CEP350: variants seen among roughly 807,000 people sequenced by gnomAD.
The protein encoded by CEP350 is centrosomal protein 350.
In CEP350, 126 loss-of-function variants were observed where a neutral mutation model predicts 331.8. The ratio of observed to expected loss-of-function variants is 0.38; its 90% CI spans 0.33 to 0.44. The LOEUF is 0.44. CEP350 is among the 20% of genes least tolerant of loss of function. The pLI is 1.00. For synonymous variants in CEP350, 1,200 were observed against 1,259.5 expected (o/e 0.95, Z 1.00); for missense variants, 3,406 against 3,634.6 (o/e 0.94, Z 1.62).
intron 32 of CEP350, among the ~76,000 whole-genome samples, 157 bp from the exon 33 acceptor site, chr1:180,090,557 A>AAAAAAAAAAAAAAAAAAAAAG (rs1660126484): frequency 1.1e-5 from 1 of 92,238 alleles, no homozygotes; most frequent in Non-Finnish European, 2.2e-5. Context: ...AAAAAAAAAA[A>AAAAAAAAAAAAAAAAAAAAAG]AAAAAAAAAA....
rs541603262 is a variant in CEP350 at position 179,976,069 on chromosome 1, G to GT, written c.-13-10097dup. Among the ~76,000 whole-genome samples the GT allele has an allele frequency of 2.6e-5, 4 of 152,264 alleles. 1 individual carries two copies. In the South Asian group the frequency reaches 8.3e-4, roughly 32 times the overall value. ...GAGTAGTGAGAGTTTTAAGGTGAAA[G>GT]TTTAAGATCCCAAATATTCATAACT... On this transcript the variant is annotated intron_variant, in intron 1 of 37. Coordinates refer to ENST00000367607, the MANE Select transcript of CEP350 (RefSeq NM_014810.5).
At chr1:180,008,162 A>G (rs2148779562) in intron 8 of CEP350, among the ~76,000 whole-genome samples, 1 of 152,284 alleles carries the variant, frequency 6.6e-6, no homozygotes, top group East Asian at 1.9e-4. Flanking sequence ...GCACATCAGA[A>G]CTATGGCGTT....
At chr1:180,041,315 G>A (rs1489183111) in intron 18 of CEP350, 67 bp downstream of exon 18, 32 of 1,173,758 alleles carry the variant, frequency 2.7e-5, no homozygotes, top group South Asian at 1.1e-4. Flanking sequence ...TTACTTTAGC[G>A]TTCTTTTAAT....
At chr1:179,987,337 C>T in intron 3 of CEP350, 51 bp downstream of exon 3, 1 of 1,029,020 alleles carries the variant, frequency 9.7e-7, no homozygotes, top group Non-Finnish European at 1.5e-6. Flanking sequence ...AATCAATTTC[C>T]TGTTATGATT....
At chr1:179,960,822 T>TTTATA (rs1650551655) in intron 1 of CEP350, among the ~76,000 whole-genome samples, 2 of 152,178 alleles carry the variant, frequency 1.3e-5, no homozygotes, top group Non-Finnish European at 2.9e-5. Flanking sequence ...TTTTTCGATC[T>TTTATA]GCTACTAAGT....
At chr1:180,018,134 T>C (rs764906365) in intron 11 of CEP350, among the ~76,000 whole-genome samples, 14 of 152,178 alleles carry the variant, frequency 9.2e-5, no homozygotes, top group Admixed American at 2.0e-4. Flanking sequence ...GCCTCCTAAG[T>C]AGCTGTGACT....
chr1:179,984,634 C>G (rs1323565551), intron 1 of CEP350, among the ~76,000 whole-genome samples: 1 of 152,164 alleles, frequency 6.6e-6, no homozygotes, highest in African/African-American at 2.4e-5. Flanking sequence ...TCCCACCATA[C>G]TCAATGGGAG....
intron 21 of CEP350, among the ~76,000 whole-genome samples, chr1:180,044,578 C>CA (rs1240470734): frequency 6.9e-6 from 1 of 145,836 alleles, no homozygotes; most frequent in Non-Finnish European, 1.5e-5. Flanking sequence ...ATCACAAGGA[C>CA]AAAAAACCAA....
chr1:180,090,124 A>AAG (rs1374845115), intron 32 of CEP350, among the ~76,000 whole-genome samples: 8 of 152,210 alleles, frequency 5.3e-5, no homozygotes, highest in Non-Finnish European at 1.0e-4. Flanking sequence ...AAAGGCAGTT[A>AAG]GGATGGCTGT....
chr1:180,036,820 T>C (rs1312214133), intron 16 of CEP350, 106 bp from the exon 17 acceptor site: 1 of 1,310,126 alleles, frequency 7.6e-7, no homozygotes, highest in Non-Finnish European at 1.0e-6. Context: ...CAGTTTTTTC[T>C]ACAAAGGAAA....
chr1:180,075,657 G>GA (rs904373874), intron 28 of CEP350, among the ~76,000 whole-genome samples: 69 of 146,486 alleles, frequency 4.7e-4, no homozygotes, highest in Admixed American at 2.4e-3. Flanking sequence ...GGAGAAATTA[G>GA]AAAAAAAAAA....
At chr1:179,958,293 G>A (rs1650326292) in intron 1 of CEP350, among the ~76,000 whole-genome samples, 1 of 151,974 alleles carries the variant, frequency 6.6e-6, no homozygotes, top group Non-Finnish European at 1.5e-5. Context: ...AAGATTAAAA[G>A]TATATATATT....
chr1:180,111,270 T>A lies in CEP350; in HGVS notation c.*109T>A. The A allele has an allele frequency of 7.6e-7, 1 of 1,322,744 alleles. No homozygotes were observed. Among genetic ancestry groups the A allele is most frequent in the Non-Finnish European group, 1.0e-6 (1 of 966,642 alleles). 81.9% of individuals were successfully genotyped at this position (1,322,744 alleles called of 1,614,324 possible). On this transcript the variant is annotated 3_prime_UTR_variant, in exon 38 of 38. Transcript: ENST00000367607. ...GCAAGAGTGCTTCTGGACCTTGTACTTATTCTTAAAGACTACCAGTATGGA... is the reference window on the plus strand; with the variant it reads ...GCAAGAGTGCTTCTGGACCTTGTACATATTCTTAAAGACTACCAGTATGGA...
At chr1:180,105,527 G>T (rs1220687528) in intron 37 of CEP350, among the ~76,000 whole-genome samples, 1 of 152,132 alleles carries the variant, frequency 6.6e-6, no homozygotes, top group Non-Finnish European at 1.5e-5. Context: ...TTAGCTCTGG[G>T]TTTGTCATAC....
chr1:180,047,581 G>A (rs988927803), intron 21 of CEP350, among the ~76,000 whole-genome samples: 91 of 151,332 alleles, frequency 6.0e-4, no homozygotes, highest in African/African-American at 2.2e-3. Flanking sequence ...ACATAGCGAA[G>A]CCCCATCTCT....
At chr1:179,992,862 T>C (rs530729349) in intron 5 of CEP350, among the ~76,000 whole-genome samples, 110 of 152,316 alleles carry the variant, frequency 7.2e-4, no homozygotes, top group African/African-American at 2.6e-3. Context: ...ATTCATGCTC[T>C]TATAATAAGT....
intron 37 of CEP350, among the ~76,000 whole-genome samples, chr1:180,109,500 G>T (rs1279167786): frequency 6.6e-6 from 1 of 152,118 alleles, no homozygotes; most frequent in African/African-American, 2.4e-5. Context: ...TGCCAAGTAA[G>T]ACTTCTAGTT....
At chr1:180,033,667 T>G (rs962669568) in intron 15 of CEP350, among the ~76,000 whole-genome samples, 195 bp from the exon 16 acceptor site, 1 of 152,218 alleles carries the variant, frequency 6.6e-6, no homozygotes, top group Non-Finnish European at 1.5e-5. Flanking sequence ...TGTTCACCAC[T>G]GTAATTCTAG....
chr1:180,032,589 G>C (rs1355254218), intron 15 of CEP350, among the ~76,000 whole-genome samples: 1 of 151,238 alleles, frequency 6.6e-6, no homozygotes, highest in Non-Finnish European at 1.5e-5. Flanking sequence ...ATAATTTGAG[G>C]CTTTGATAAG....
Sources: gnomAD v4.1 joint callset for allele counts (sites outside exome capture counted in the v4.1 genomes callset) on GRCh38, gnomAD v4.1.1 for gene constraint, MANE v1.5 for transcripts, NCBI Gene and HGNC (gene_info 2026-07-23, HGNC 2026-07-21) for gene names.